The following GRIP1 variants were observed in gnomAD, a reference collection of about 807,000 sequenced individuals.
GRIP1 encodes glutamate receptor-interacting protein 1.
GRIP1 carries 45 observed loss-of-function variants against 129.9 expected under a neutral mutation model. The observed-to-expected ratio is 0.35, with a 90% CI of 0.27 to 0.44. The LOEUF (loss-of-function observed/expected upper bound fraction) is 0.44, where lower values mean the gene tolerates loss of function less well. Among genes scored for constraint, GRIP1 ranks in the 20% least tolerant of loss-of-function variants. GRIP1 has a pLI of 1.00. For synonymous variants in GRIP1, 530 were observed against 520.8 expected, an observed-to-expected ratio of 1.02 and a Z score of -0.24; for missense variants, 1,196 against 1,396.8, an observed-to-expected ratio of 0.86 and a Z score of 2.29.
At chr12:66,456,859 A>G (rs1050806046) in intron 9 of GRIP1, among the ~76,000 whole-genome samples, 3 of 152,198 alleles carry the variant, frequency 2.0e-5, no homozygotes, top group Non-Finnish European at 2.9e-5. Flanking sequence ...TTGCACTACA[A>G]TCCATCACTT....
rs369983101 is a variant in GRIP1, at chr12:66,899,242, G to A, written c.58+169808C>T. ...GTAAGAGTACCCAGGTCCAATAAAG[G>A]CTTAAAGGGAGCTCTCTCATTCACT... On this transcript the variant is annotated intron_variant, in intron 1 of 1. Coordinates refer to the GRIP1 transcript ENST00000643019. Among the ~76,000 whole-genome samples, 17 of 152,192 alleles carry A rather than the reference G, an allele frequency of 1.1e-4. No homozygotes were observed. The East Asian group carries it at 1.5e-3, about 14-fold the overall frequency.
rs568864039 is a variant in GRIP1, at chr12:66,862,966, T to C, written c.58+206084A>G. ...CTTAAAATATGAAATGTTGTACTAT[T>C]ATTGAAACACCGAGACAAAACAAGT... On this transcript the variant is annotated intron_variant, in intron 1 of 1. Transcript: ENST00000643019. 9.2e-5 allele frequency among the ~76,000 whole-genome samples: 14 copies of C among 152,176 alleles called. No homozygotes were observed. The South Asian group carries it at 2.7e-3, about 29-fold the overall frequency.
At chr12:66,723,210 CTTTCTTTCTTTCTTTCTCTCTCTCTCTCT>C (rs1565987575) in intron 1 of GRIP1, among the ~76,000 whole-genome samples, 38 of 49,822 alleles carry the variant, frequency 7.6e-4, no homozygotes, top group African/African-American at 3.8e-3. Context: ...TCTTTTCTTT[CTTTCTTTCTTTCTTTCTCTCTCTCTCTCT>C]CTTCCTTCCT....
chr12:66,475,531 C>A (rs2059578642), intron 7 of GRIP1, among the ~76,000 whole-genome samples: 1 of 152,174 alleles, frequency 6.6e-6, no homozygotes, highest in Admixed American at 6.5e-5. Flanking sequence ...ATACATTCTT[C>A]TCAGCACCAC....
chr12:66,696,645 C>T (rs2136333801), intron 1 of GRIP1, among the ~76,000 whole-genome samples: 1 of 151,292 alleles, frequency 6.6e-6, no homozygotes, highest in African/African-American at 2.4e-5. Context: ...AAAAAACAAA[C>T]AAACAAACAA....
upstream of GRIP1, among the ~76,000 whole-genome samples, chr12:66,680,220 GA>G (rs2034531164): frequency 6.6e-6 from 1 of 152,146 alleles, no homozygotes; most frequent in Non-Finnish European, 1.5e-5. Context: ...TTCAGGCTGT[GA>G]AAAAACTTTC....
chr12:66,631,281 C>G (rs2030750049), intron 1 of GRIP1, among the ~76,000 whole-genome samples: 1 of 152,116 alleles, frequency 6.6e-6, no homozygotes, highest in Non-Finnish European at 1.5e-5. Flanking sequence ...ATCAGGAAAG[C>G]TAATATTTTC....
intron 1 of GRIP1, among the ~76,000 whole-genome samples, chr12:66,918,226 G>A (rs1361334554): frequency 6.6e-6 from 1 of 152,016 alleles, no homozygotes; most frequent in African/African-American, 2.4e-5. Context: ...GACCCAAGAG[G>A]AGCCAATGGA....
At chr12:66,596,999 T>G in intron 1 of GRIP1, 72 bp from the exon 2 acceptor site, 1 of 1,014,202 alleles carries the variant, frequency 9.9e-7, no homozygotes, top group Non-Finnish European at 1.6e-6. Context: ...TTTAACGGAT[T>G]GCAATCCTTC....
At chr12:66,400,245 T>G (rs1298163876) in intron 16 of GRIP1, among the ~76,000 whole-genome samples, 1 of 150,648 alleles carries the variant, frequency 6.6e-6, no homozygotes, top group Non-Finnish European at 1.5e-5. Flanking sequence ...GTCTTCTGGG[T>G]GATTCCGATG....
At chr12:66,726,989 G>T (rs1478941515) in intron 1 of GRIP1, among the ~76,000 whole-genome samples, 1 of 152,134 alleles carries the variant, frequency 6.6e-6, no homozygotes, top group Non-Finnish European at 1.5e-5. Context: ...CATTTATATT[G>T]TAGTAGTACA....
chr12:66,924,501 T>C (rs2041264181), intron 1 of GRIP1, among the ~76,000 whole-genome samples: 1 of 152,230 alleles, frequency 6.6e-6, no homozygotes, highest in Non-Finnish European at 1.5e-5. Context: ...TGAATTCCTG[T>C]TGTCTTCTCT....
At chr12:66,897,179 G>C (rs2040764424) in intron 1 of GRIP1, among the ~76,000 whole-genome samples, 1 of 152,192 alleles carries the variant, frequency 6.6e-6, no homozygotes, top group Admixed American at 6.5e-5. Context: ...TGCATGGGAA[G>C]CACTTAGATG....
chr12:66,630,584 A>G (rs577202803), intron 1 of GRIP1, among the ~76,000 whole-genome samples: 1 of 152,314 alleles, frequency 6.6e-6, no homozygotes, highest in South Asian at 2.1e-4. Context: ...AATGGAGTCT[A>G]TCTTCCTGGG....
intron 1 of GRIP1, among the ~76,000 whole-genome samples, chr12:66,778,685 G>A (rs994498021): frequency 1.3e-5 from 2 of 152,128 alleles, no homozygotes. Flanking sequence ...AACACAAACT[G>A]GAGTCAAATG....
intron 7 of GRIP1, among the ~76,000 whole-genome samples, chr12:66,514,724 C>T (rs1280549674): frequency 2.0e-5 from 3 of 151,990 alleles, no homozygotes; most frequent in Non-Finnish European, 4.4e-5. Flanking sequence ...ACATTTCAGG[C>T]CAGCAGACAG....
At chr12:66,827,389 A>T (rs1921004) in intron 1 of GRIP1, among the ~76,000 whole-genome samples, 40,840 of 95,366 alleles carry the variant, frequency 0.43, 6,237 homozygotes, top group Non-Finnish European at 0.5. Flanking sequence ...TGTGTGTGTG[A>T]GAGAGAGAGA....
At chr12:66,998,429 A>AAAT (rs1555259295) in intron 1 of GRIP1, among the ~76,000 whole-genome samples, 1 of 151,806 alleles carries the variant, frequency 6.6e-6, no homozygotes, top group African/African-American at 2.4e-5. Context: ...GATAAAAAAA[A>AAAT]ATATATATTT....
In GRIP1 at chr12:66,351,562, T is replaced by G. The variant is rs570581734; in HGVS notation, c.3159+1855A>C. 6.0e-5 allele frequency among the ~76,000 whole-genome samples: 3 copies of G among 50,364 alleles called. No homozygotes were observed. In the East Asian group the frequency reaches 2.5e-3, roughly 41 times the overall value. The allele number at this position is 50,364 out of a possible 152,430, so 33.0% of individuals were successfully genotyped here. A position where few individuals can be genotyped will look rare whatever the true frequency, so the allele number is the denominator to read the frequency against. ...GCAGGGAAACAGGAAGGTGGTTTTTTTTTTTTTTTTTTTGGAAACTCACTC... is the reference window on the plus strand; with the variant it reads ...GCAGGGAAACAGGAAGGTGGTTTTTGTTTTTTTTTTTTTGGAAACTCACTC... On this transcript the variant is annotated intron_variant, in intron 24 of 24. Transcript: ENST00000359742.
Sources: gnomAD v4.1 joint callset for allele counts (sites outside exome capture counted in the v4.1 genomes callset) on GRCh38, gnomAD v4.1.1 for gene constraint, MANE v1.5 for transcripts, NCBI Gene and HGNC (gene_info 2026-07-23, HGNC 2026-07-21) for gene names.